The following MSI2 variants were observed in gnomAD, a reference collection of about 807,000 sequenced individuals.
The protein encoded by MSI2 is RNA-binding protein Musashi homolog 2.
Under a neutral mutation model 45.6 loss-of-function variants are expected in MSI2, and 17 were observed. That is an observed-to-expected ratio of 0.37 (90% CI 0.26 to 0.56). MSI2 has a LOEUF of 0.56. Ranked by LOEUF, MSI2 falls within the 20% of genes least tolerant of loss-of-function variation. The pLI is 0.77. For synonymous variants in MSI2, 156 were observed against 158.2 expected (o/e 0.99, Z 0.11); for missense variants, 293 against 444.2 (o/e 0.66, Z 3.06).
intron 7 of MSI2, among the ~76,000 whole-genome samples, chr17:57,589,035 T>C (rs76288374): frequency 0.019 from 2,921 of 152,270 alleles, 92 homozygotes; most frequent in African/African-American, 0.067. Flanking sequence ...TATTAGAATG[T>C]GGACTGATCC....
intron 6 of MSI2, among the ~76,000 whole-genome samples, chr17:57,428,372 G>A (rs2084532929): frequency 6.6e-6 from 1 of 151,964 alleles, no homozygotes; most frequent in Non-Finnish European, 1.5e-5. Context: ...ACAGGCATGA[G>A]CCACCCCACC....
Position 57,298,682 on chromosome 17 carries a change from C to A in MSI2, c.312+36490C>A, listed in dbSNP as rs542499584. On this transcript the variant is annotated intron_variant, in intron 5 of 13. Coordinates refer to ENST00000284073, the MANE Select transcript of MSI2 (RefSeq NM_138962.4). ...TCTCAAAAAAAAAGAGATGTGCTAT[C>A]ATCCAGGCTTTGTTGTTCAAATTTA... Among the ~76,000 whole-genome samples, 6 of 152,314 alleles carry A rather than the reference C, an allele frequency of 3.9e-5. No individual in the cohort carries two copies. The East Asian group carries it at 1.2e-3, about 29-fold the overall frequency.
intron 7 of MSI2, among the ~76,000 whole-genome samples, chr17:57,530,822 C>T (rs145593490): frequency 2.3e-3 from 356 of 152,104 alleles, no homozygotes; most frequent in African/African-American, 8.4e-3. Context: ...TCATTGCTGG[C>T]GGGGCTGGGA....
intron 5 of MSI2, among the ~76,000 whole-genome samples, chr17:57,313,392 G>T (rs1419050231): frequency 6.6e-6 from 1 of 152,184 alleles, no homozygotes; most frequent in Non-Finnish European, 1.5e-5. Context: ...TTTGACAAAA[G>T]AATTACTTTC....
intron 11 of MSI2, among the ~76,000 whole-genome samples, chr17:57,669,927 G>T (rs1183165418): frequency 6.6e-6 from 1 of 152,212 alleles, no homozygotes; most frequent in African/African-American, 2.4e-5. Flanking sequence ...GGCAGCAGCA[G>T]ATAATTCACA....
At chr17:57,447,151 G>A (rs1029430635) in intron 6 of MSI2, among the ~76,000 whole-genome samples, 9 of 152,270 alleles carry the variant, frequency 5.9e-5, no homozygotes, top group Non-Finnish European at 1.0e-4. Context: ...GCAGTGACGC[G>A]ATCATAACTC....
At chr17:57,519,401 C>T (rs2086537567) in intron 6 of MSI2, among the ~76,000 whole-genome samples, 1 of 152,148 alleles carries the variant, frequency 6.6e-6, no homozygotes, top group Admixed American at 6.5e-5. Context: ...AAGCAAGACA[C>T]ACTGAGTATC....
At chr17:57,400,032 C>T (rs1487471446) in intron 5 of MSI2, among the ~76,000 whole-genome samples, 2 of 152,176 alleles carry the variant, frequency 1.3e-5, no homozygotes, top group African/African-American at 2.4e-5. Context: ...TACATCACAT[C>T]GAGTTGCAGT....
intron 5 of MSI2, among the ~76,000 whole-genome samples, chr17:57,326,087 C>A (rs1351976216): frequency 6.6e-6 from 1 of 152,146 alleles, no homozygotes; most frequent in Non-Finnish European, 1.5e-5. Context: ...TTTCCCGTCA[C>A]CCCCATTAGG....
At chr17:57,677,142 C>A in intron 13 of MSI2, 83 bp downstream of exon 13, 1 of 947,692 alleles carries the variant, frequency 1.1e-6, no homozygotes, top group South Asian at 1.3e-5. Context: ...CACGTGCGTG[C>A]CCCTGTCTCA....
chr17:57,517,259 G>C (rs1265610036), intron 6 of MSI2, among the ~76,000 whole-genome samples: 1 of 152,226 alleles, frequency 6.6e-6, no homozygotes, highest in Non-Finnish European at 1.5e-5. Context: ...TTGGCTGCCA[G>C]GCAGCCCAAA....
intron 5 of MSI2, among the ~76,000 whole-genome samples, chr17:57,326,595 T>A (rs964767679): frequency 2.6e-5 from 4 of 152,238 alleles, no homozygotes; most frequent in African/African-American, 9.6e-5. Flanking sequence ...AAATACCCAG[T>A]GAGACTGTCT....
chr17:57,444,844 C>T (rs2143495772), intron 6 of MSI2: 1 of 152,382 alleles, frequency 6.6e-6, no homozygotes, highest in East Asian at 1.9e-4. Flanking sequence ...ATAATTAAGC[C>T]TCTCTGCCTG....
At chr17:57,663,331 C>T (rs1159752698) in intron 11 of MSI2, among the ~76,000 whole-genome samples, 1 of 152,052 alleles carries the variant, frequency 6.6e-6, no homozygotes, top group Non-Finnish European at 1.5e-5. Flanking sequence ...ATAAAGGGGC[C>T]CTTTGTTCCT....
At chr17:57,309,686 G>A (rs1174037662) in intron 5 of MSI2, among the ~76,000 whole-genome samples, 1 of 152,210 alleles carries the variant, frequency 6.6e-6, no homozygotes, top group South Asian at 2.1e-4. Flanking sequence ...GCAGGTGTTA[G>A]TGCCAGATGG....
intron 6 of MSI2, among the ~76,000 whole-genome samples, chr17:57,526,051 C>A (rs893523948): frequency 5.3e-5 from 8 of 151,988 alleles, no homozygotes; most frequent in African/African-American, 1.9e-4. Flanking sequence ...GTGGTGAAAC[C>A]CCGTCTCTAC....
intron 5 of MSI2, among the ~76,000 whole-genome samples, chr17:57,355,414 C>T (rs1250779639): frequency 1.3e-5 from 2 of 152,214 alleles, no homozygotes; most frequent in South Asian, 2.1e-4. Context: ...TGGGTAGGTT[C>T]CCTGAAGACA....
chr17:57,443,034 G>T (rs759003874), intron 6 of MSI2, among the ~76,000 whole-genome samples: 1 of 152,198 alleles, frequency 6.6e-6, no homozygotes, highest in Non-Finnish European at 1.5e-5. Flanking sequence ...ATGGCTGGGG[G>T]CTTCAGGGCT....
intron 5 of MSI2, among the ~76,000 whole-genome samples, chr17:57,346,759 A>G (rs1463773961): frequency 6.6e-6 from 1 of 151,968 alleles, no homozygotes; most frequent in Non-Finnish European, 1.5e-5. Flanking sequence ...GGCACACGCC[A>G]CCATGCTTGG....
Sources: allele counts gnomAD v4.1 joint callset (sites outside exome capture counted in the v4.1 genomes callset), GRCh38; gene constraint gnomAD v4.1.1; transcripts MANE v1.5; gene names NCBI Gene and HGNC (gene_info 2026-07-23, HGNC 2026-07-21).